Variants in HEBP1 observed in about 807,000 individuals in gnomAD.
HEBP1 encodes heme binding protein 1.
A neutral mutation model predicts 20.4 loss-of-function variants in HEBP1; 13 were observed. That is an observed-to-expected ratio of 0.64 (90% CI 0.42 to 1.01). HEBP1 has a LOEUF of 1.01. HEBP1 is among the 50% of genes least tolerant of loss of function. HEBP1 has a pLI of 0.00. For synonymous variants in HEBP1, 92 were observed against 90.7 expected, an observed-to-expected ratio of 1.01 and a Z score of -0.08; for missense variants, 241 against 247.3, an observed-to-expected ratio of 0.97 and a Z score of 0.17.
Position 12,998,287 on chromosome 12 carries a change from C to A in HEBP1, c.78+1750G>T, listed in dbSNP as rs1033434452. Among the ~76,000 whole-genome samples the A allele has an allele frequency of 6.6e-6, 1 of 152,136 alleles. No individual in the cohort carries two copies. The highest frequency in any genetic ancestry group is 1.5e-5 in the Non-Finnish European group (1 of 68,026). On this transcript the variant is annotated intron_variant, in intron 1 of 3. Transcript: ENST00000014930. The surrounding 1 kb of genome is among the most constrained non-coding windows in gnomAD (Gnocchi z 4.2). ...TCCCATTGCCTAGAAGAGTGCCTGG[C>A]ACATAGCACTCAAAAAACAGTTTTT...
At chr12:12,987,612 T>TCTCTCTCTCTCTCTCTCTC (rs1230851526) in intron 2 of HEBP1, among the ~76,000 whole-genome samples, 26 of 117,836 alleles carry the variant, frequency 2.2e-4, no homozygotes, top group African/African-American at 7.4e-4. Context: ...CTCTCTCTCT[T>TCTCTCTCTCTCTCTCTCTC]TCTCTCTCTC....
intron 3 of HEBP1, chr12:12,985,948 C>T (rs973526215): frequency 2.6e-5 from 4 of 152,208 alleles, no homozygotes; most frequent in Admixed American, 1.3e-4. Context: ...GACAAGCAGA[C>T]ATCTAACCCA....
In HEBP1 at chr12:12,986,887, T is replaced by G. The variant is rs912159006; in HGVS notation, c.398+265A>C. 4.6e-5 allele frequency: 18 copies of G among 395,442 alleles called. No individual in the cohort carries two copies. Among genetic ancestry groups the G allele is most frequent in the Middle Eastern group, 7.1e-4 (1 of 1,404 alleles). 24.5% of individuals were successfully genotyped at this position (395,442 alleles called of 1,614,324 possible). On this transcript the variant is annotated intron_variant, in intron 3 of 3. Coordinates refer to ENST00000014930, the MANE Select transcript of HEBP1 (RefSeq NM_015987.5). The surrounding 1 kb of genome is among the most constrained non-coding windows in gnomAD (Gnocchi z 4.3). The stretch of plus-strand genomic sequence containing the variant: ...TCCTAGAACCCTGCTATGGCTAATG[T>G]AGACATTCACTGTAAGCTTAAGCAA...
chr12:12,987,219 C>G lies in HEBP1; in HGVS notation c.331G>C (p.Asp111His). The G allele has an allele frequency of 6.2e-7, 1 of 1,614,016 alleles. No homozygotes were observed. The highest frequency in any genetic ancestry group is 8.5e-7 in the Non-Finnish European group (1 of 1,179,990). Residue 111 changes from aspartate to histidine, a missense_variant, in exon 3 of 4, where the codon GAC becomes CAC. Transcript: ENST00000014930. ...WFRIPNQFQS[D>H]PPAPSDKSVK... ...CTTTTGTCACTGGGAGCTGGTGGGT[C>G]GCTTTGAAATTGGTTTGGAATCCGG...
intron 3 of HEBP1, chr12:12,985,884 A>C (rs553302150): frequency 6.6e-6 from 1 of 152,144 alleles, no homozygotes; most frequent in Non-Finnish European, 1.5e-5. Flanking sequence ...AATAAAATAC[A>C]AGTTCATTTT....
At chr12:12,990,308 G>A (rs570327446) in intron 1 of HEBP1, among the ~76,000 whole-genome samples, 11 of 151,200 alleles carry the variant, frequency 7.3e-5, no homozygotes, top group East Asian at 5.8e-4. Context: ...AAGTGGGACC[G>A]CAGGTGCATA....
Position 12,986,990 on chromosome 12 carries a change from G to A in HEBP1, c.398+162C>T. 1.5e-6 allele frequency: 1 copy of A among 671,146 alleles called. No individual in the cohort carries two copies. The highest frequency in any genetic ancestry group is 2.6e-6 in the Non-Finnish European group (1 of 385,166). 41.6% of individuals were successfully genotyped at this position (671,146 alleles called of 1,614,324 possible). A position where few individuals can be genotyped will look rare whatever the true frequency, so the allele number is the denominator to read the frequency against. On this transcript the variant is annotated intron_variant, in intron 3 of 3. Coordinates refer to ENST00000014930, the MANE Select transcript of HEBP1 (RefSeq NM_015987.5). This position sits in a 1 kb window ranked among gnomAD's most constrained non-coding sequence, Gnocchi z 4.3. The stretch of plus-strand genomic sequence containing the variant: ...AAAATGCAAATGTGTGTGTGCTGCA[G>A]CCTGAAGAAATTAAAATGAGAAACT...
At position 12,986,154 on chromosome 12, in the gene HEBP1, C is replaced by T. The variant is rs1864149544; in HGVS notation, c.398+998G>A. On this transcript the variant is annotated intron_variant, in intron 3 of 3. Coordinates refer to ENST00000014930, the MANE Select transcript of HEBP1 (RefSeq NM_015987.5). This position sits in a 1 kb window ranked among gnomAD's most constrained non-coding sequence, Gnocchi z 4.3. The stretch of plus-strand genomic sequence containing the variant: ...CTGAATGAGGACTGCAGGACAAGCA[C>T]AGGAGCTGAGGCTCCGGTGCTAGCT... The T allele has an allele frequency of 6.6e-6, 1 of 152,262 alleles. No individual in the cohort carries two copies. The allele number at this position is 152,262 out of a possible 1,614,324, so 9.4% of individuals were successfully genotyped here.
At chr12:12,989,520 C>G in intron 1 of HEBP1, 105 bp from the exon 2 acceptor site, 1 of 1,051,096 alleles carries the variant, frequency 9.5e-7, no homozygotes. Flanking sequence ...GTGGGTATGG[C>G]CATAGAGCAG....
Position 12,987,266 on chromosome 12 carries a change from T to G in HEBP1, c.284A>C (p.Gln95Pro). ...AVFPNEDGSL[Q>P]KKLKVWFRIP... Reference sequence around the variant, plus strand: ...CCGGAACCAGACTTTTAATTTCTTCTGCAGAGAGCCATCTTCATTGGGGAA... The same window carrying G: ...CCGGAACCAGACTTTTAATTTCTTCGGCAGAGAGCCATCTTCATTGGGGAA... The change falls in exon 3 of 4, where the codon CAG (glutamine) becomes CCG (proline). Residue 95 changes from glutamine (Q) to proline (P), a missense_variant. By Grantham distance (76) the Gln-to-Pro change is moderately conservative. Coordinates refer to ENST00000014930, the MANE Select transcript of HEBP1 (RefSeq NM_015987.5). 1 of 1,614,134 alleles carries G rather than the reference T, an allele frequency of 6.2e-7. No homozygotes were observed. The highest frequency in any genetic ancestry group is 8.5e-7 in the Non-Finnish European group (1 of 1,180,006).
At chr12:12,990,856 T>G (rs1234679813) in intron 1 of HEBP1, among the ~76,000 whole-genome samples, 1 of 152,200 alleles carries the variant, frequency 6.6e-6, no homozygotes, top group Non-Finnish European at 1.5e-5. Flanking sequence ...GACCCTGTAC[T>G]CGATGGATCA....
chr12:12,983,688 T>TC, intron 3 of HEBP1: 2 of 456,010 alleles, frequency 4.4e-6, no homozygotes, highest in South Asian at 3.1e-5. Context: ...GAACTCCGTG[T>TC]TAAAAATTCC....
chr12:12,988,140 ATAAC>A (rs1864176181), intron 2 of HEBP1, among the ~76,000 whole-genome samples: 2 of 152,244 alleles, frequency 1.3e-5, no homozygotes, highest in Admixed American at 1.3e-4. Context: ...TTATGAAATA[ATAAC>A]TAACAGAAGC....
rs1335863308 is a variant in HEBP1, at chr12:12,987,454, A to T, written c.218-122T>A. 4.2e-6 allele frequency: 3 copies of T among 717,658 alleles called. No individual in the cohort carries two copies. The East Asian group carries it at 8.1e-5, about 19-fold the overall frequency. The allele number at this position is 717,658 out of a possible 1,614,324, so 44.5% of individuals were successfully genotyped here. ...TATGTTTTTGTTCTTGAAATTAACA[A>T]TGAACATTTCAAGTGTTAAAAATAC... On this transcript the variant is annotated intron_variant, in intron 2 of 3. Coordinates refer to ENST00000014930, the MANE Select transcript of HEBP1 (RefSeq NM_015987.5).
rs1286365546 is a variant in HEBP1 at position 12,998,384 on chromosome 12, C to T, written c.78+1653G>A. Among the ~76,000 whole-genome samples, 1 of 152,150 alleles carries T rather than the reference C, an allele frequency of 6.6e-6. No homozygotes were observed. The highest frequency in any genetic ancestry group is 1.9e-4 in the East Asian group (1 of 5,180). ...ATGGTTTTCCTTAAGAATTTGGCAA[C>T]ACTGTTTCATATATCACTGCATAGC... is the stretch of plus-strand genomic sequence containing the variant. On this transcript the variant is annotated intron_variant, in intron 1 of 3. Coordinates refer to ENST00000014930, the MANE Select transcript of HEBP1 (RefSeq NM_015987.5). This position sits in a 1 kb window ranked among gnomAD's most constrained non-coding sequence, Gnocchi z 4.2.
intron 2 of HEBP1, among the ~76,000 whole-genome samples, chr12:12,987,925 C>A (rs901034205): frequency 1.3e-5 from 2 of 152,118 alleles, no homozygotes; most frequent in Admixed American, 6.5e-5. Context: ...TGTGAGCCAC[C>A]ATGCCTAGCC....
In HEBP1 at chr12:13,000,115, G is replaced by A. The variant is rs1252828474; in HGVS notation, c.-1C>T. 5 of 1,603,550 alleles carry A rather than the reference G, an allele frequency of 3.1e-6. No individual in the cohort carries two copies. The highest frequency in any genetic ancestry group is 3.4e-6 in the Non-Finnish European group (4 of 1,174,464). On this transcript the variant is annotated 5_prime_UTR_variant, in exon 1 of 4. Transcript: ENST00000014930. ...GCGAGTTCTTGATCATGCCCAACAT[G>A]TTGTAGCCGAGACGCTCCCGACGCA...
rs908889003 is a variant in HEBP1, at chr12:12,998,341, C to T, written c.78+1696G>A. Among the ~76,000 whole-genome samples, 3 of 152,112 alleles carry T rather than the reference C, an allele frequency of 2.0e-5. No individual in the cohort carries two copies. Among genetic ancestry groups the T allele is most frequent in the African/African-American group, 4.8e-5 (2 of 41,422 alleles). ...GAATTATTTTTAAATTGGGTGATTT[C>T]GCTAAGAATCTGGATGTATGGTTTT... On this transcript the variant is annotated intron_variant, in intron 1 of 3. Transcript: ENST00000014930. The surrounding 1 kb of genome is among the most constrained non-coding windows in gnomAD (Gnocchi z 4.2).
rs755979656 is a variant in HEBP1 at position 13,000,091 on chromosome 12, C to G, written c.24G>C (p.Ser8=). Residue 8 remains serine, a synonymous_variant, in exon 1 of 4, where the codon TCG becomes TCC. Transcript: ENST00000014930. The part of the protein sequence containing the change: MLGMIKN[S]LFGSVETWPW... ...GCCACGTCTCTACGCTTCCGAACAG[C>G]GAGTTCTTGATCATGCCCAACATGT... 1.2e-6 allele frequency: 2 copies of G among 1,612,228 alleles called. No individual in the cohort carries two copies. Among genetic ancestry groups the G allele is most frequent in the Admixed American group, 1.7e-5 (1 of 59,838 alleles).
Sources: allele counts gnomAD v4.1 joint callset (sites outside exome capture counted in the v4.1 genomes callset), GRCh38; gene constraint gnomAD v4.1.1; non-coding constraint Gnocchi (gnomAD v3.1); transcripts MANE v1.5; gene names NCBI Gene and HGNC (gene_info 2026-07-23, HGNC 2026-07-21).